Variants in SSH3 observed in about 807,000 individuals in gnomAD.
SSH3 encodes the protein slingshot protein phosphatase 3, also known as protein phosphatase Slingshot homolog 3.
In SSH3, 67 loss-of-function variants were observed where a neutral mutation model predicts 75.0. That is an observed-to-expected ratio of 0.89 (90% CI 0.73 to 1.10). The LOEUF is 1.10. Ranked by LOEUF, SSH3 falls within the 50% of genes least tolerant of loss-of-function variation. The probability of loss-of-function intolerance (pLI) is 0.00; values close to 1 mark genes in which losing one functional copy is unlikely to be tolerated. For missense variants in SSH3, 824 were observed against 872.7 expected, an observed-to-expected ratio of 0.94 and a Z score of 0.70; for synonymous variants, 318 against 349.2, an observed-to-expected ratio of 0.91 and a Z score of 1.00.
intron 3 of SSH3, among the ~76,000 whole-genome samples, chr11:67,306,060 C>T (rs529337411): frequency 1.4e-4 from 20 of 146,978 alleles, no homozygotes; most frequent in African/African-American, 4.8e-4. Flanking sequence ...GAGGCCGAGG[C>T]GGGCAGATCA....
Position 67,307,222 on chromosome 11 carries a change from G to A in SSH3, c.536+109G>A, listed in dbSNP as rs192499557. 185 of 1,558,020 alleles carry A rather than the reference G, an allele frequency of 1.2e-4. No homozygotes were observed. The highest frequency in any genetic ancestry group is 1.5e-4 in the Non-Finnish European group (168 of 1,152,358). Reference sequence around the variant, plus strand: ...CAGTAGAACTTTAGGCTGGGACTCTGGGGCCTGCTCCCAGCTCCACGTCAG... The same window carrying A: ...CAGTAGAACTTTAGGCTGGGACTCTAGGGCCTGCTCCCAGCTCCACGTCAG... On this transcript the variant is annotated intron_variant, in intron 5 of 13. Coordinates refer to ENST00000308127, the MANE Select transcript of SSH3 (RefSeq NM_017857.4). The surrounding 1 kb of genome is among the most constrained non-coding windows in gnomAD (Gnocchi z 4.2).
chr11:67,307,266 C>T lies in SSH3; in HGVS notation c.537-105C>T. 6.4e-7 allele frequency: 1 copy of T among 1,567,698 alleles called. No individual in the cohort carries two copies. Among genetic ancestry groups the T allele is most frequent in the Non-Finnish European group, 8.6e-7 (1 of 1,158,130 alleles). ...ACGTCAGATTCACCGTGATCCTGAG[C>T]AAGGCACCTGACTCCTGGGTCTCGG... On this transcript the variant is annotated intron_variant, in intron 5 of 13. Transcript: ENST00000308127. This position sits in a 1 kb window ranked among gnomAD's most constrained non-coding sequence, Gnocchi z 4.2.
At chr11:67,303,828 G>A (rs1179230952) in intron 1 of SSH3, 137 bp downstream of exon 1, 5 of 909,972 alleles carry the variant, frequency 5.5e-6, no homozygotes, top group South Asian at 2.0e-5. Flanking sequence ...GGCGCTGGGG[G>A]CCTCGAGGGT....
chr11:67,309,754 G>C lies in SSH3; in HGVS notation c.1209-14G>C. The C allele has an allele frequency of 6.2e-7, 1 of 1,611,792 alleles. No homozygotes were observed. The highest frequency in any genetic ancestry group is 8.5e-7 in the Non-Finnish European group (1 of 1,179,854). ...TGGTGAGGGGAGGGTGCTGAACCTG[G>C]CCTGCTTCCACAGAGCACAGGGCAC... On this transcript the variant is annotated splice_polypyrimidine_tract_variant and intron_variant, in intron 11 of 13. Coordinates refer to ENST00000308127, the MANE Select transcript of SSH3 (RefSeq NM_017857.4).
chr11:67,311,350 G>A (rs950393514), intron 13 of SSH3, among the ~76,000 whole-genome samples: 1 of 152,120 alleles, frequency 6.6e-6, no homozygotes, highest in Non-Finnish European at 1.5e-5. Context: ...GGGCCAGAAG[G>A]AAGCTACAAG....
chr11:67,303,787 T>G, intron 1 of SSH3, 96 bp downstream of exon 1: 3 of 1,293,956 alleles, frequency 2.3e-6, no homozygotes, highest in South Asian at 1.7e-5. Flanking sequence ...AACGGGGACA[T>G]GAGGAGGGGG....
At position 67,309,449 on chromosome 11, in the gene SSH3, C is replaced by T. The variant is rs368677697; in HGVS notation, c.1114C>T (p.Arg372Cys). ...AREIDNFYPE[R>C]FTYHNVRLWD... ...GGAGATTGACAACTTCTACCCTGAG[C>T]GCTTCACCTACCACAATGTGCGCCT... is the stretch of plus-strand genomic sequence containing the variant. Residue 372 changes from arginine to cysteine, a missense_variant, in exon 11 of 14, where the codon CGC becomes TGC. Physicochemically the swap from Arg to Cys is radical, Grantham distance 180. Transcript: ENST00000308127. The T allele has an allele frequency of 3.5e-5, 56 of 1,614,054 alleles. No homozygotes were observed. Among genetic ancestry groups the T allele is most frequent in the Middle Eastern group, 1.6e-4 (1 of 6,084 alleles).
intron 13 of SSH3, among the ~76,000 whole-genome samples, chr11:67,311,132 G>T (rs1283838817): frequency 4.6e-5 from 7 of 152,194 alleles, no homozygotes; most frequent in African/African-American, 7.2e-5. Context: ...GGATAGGGAG[G>T]CGTGGTGGGT....
intron 2 of SSH3, 76 bp downstream of exon 2, chr11:67,304,231 A>G: frequency 8.5e-7 from 1 of 1,182,990 alleles, no homozygotes; most frequent in Non-Finnish European, 1.2e-6. Flanking sequence ...CTCCAGCTGC[A>G]GGGACAGAAA....
In SSH3 at chr11:67,308,143, C is replaced by T; in HGVS notation, c.886-31C>T. 6.2e-7 allele frequency: 1 copy of T among 1,605,368 alleles called. No individual in the cohort carries two copies. Among genetic ancestry groups the T allele is most frequent in the Admixed American group, 1.7e-5 (1 of 59,488 alleles). Reference sequence around the variant, plus strand: ...GGCAGGTTGGGCACTAGGAGAGCCCCAGCCTCTCTTGCCCTGGGCTCTGCC... The same window carrying T: ...GGCAGGTTGGGCACTAGGAGAGCCCTAGCCTCTCTTGCCCTGGGCTCTGCC... On this transcript the variant is annotated intron_variant, in intron 8 of 13. Transcript: ENST00000308127. The surrounding 1 kb of genome is among the most constrained non-coding windows in gnomAD (Gnocchi z 4.9).
rs773542132 is a variant in SSH3 at position 67,311,847 on chromosome 11, A to G, written c.1940A>G (p.Gln647Arg). 1 of 1,612,678 alleles carries G rather than the reference A, an allele frequency of 6.2e-7. No homozygotes were observed. Residue 647 changes from glutamine to arginine, a missense_variant, in exon 14 of 14, where the codon CAG becomes CGG. Physicochemically the swap from Gln to Arg is conservative, Grantham distance 43 (BLOSUM62 1). Coordinates refer to ENST00000308127, the MANE Select transcript of SSH3 (RefSeq NM_017857.4). ...CCCAGGTTCCGGAAGGTGGTGAGAC[A>G]GGCCAGCGTGCATGACAGTGGAGAG... ...STPRFRKVVR[Q>R]ASVHDSGEEG...
chr11:67,309,965 C>T lies in SSH3; in HGVS notation c.1406C>T (p.Ala469Val). The T allele has an allele frequency of 6.2e-7, 1 of 1,610,382 alleles. No homozygotes were observed. Among genetic ancestry groups the T allele is most frequent in the Non-Finnish European group, 8.5e-7 (1 of 1,179,990 alleles). The change falls in exon 12 of 14, where the codon GCC (alanine) becomes GTC (valine). Residue 469 changes from alanine (A) to valine (V), a missense_variant. By Grantham distance (64) the Ala-to-Val change is moderately conservative (BLOSUM62 0). Transcript: ENST00000308127. ...QLQIYQGILTASRQSHVWEQK... is the reference protein window; with the variant it reads ...QLQIYQGILTVSRQSHVWEQK... ...CAGATCTACCAGGGCATCCTGACGG[C>T]CAGGTATGGGATGGGAGCGAGTGGC...
rs1861425894 is a variant in SSH3, at chr11:67,311,965, C to T, written c.*78C>T. 1 of 1,567,880 alleles carries T rather than the reference C, an allele frequency of 6.4e-7. No homozygotes were observed. The highest frequency in any genetic ancestry group is 2.0e-5 in the Admixed American group (1 of 49,626). On this transcript the variant is annotated 3_prime_UTR_variant, in exon 14 of 14. Coordinates refer to ENST00000308127, the MANE Select transcript of SSH3 (RefSeq NM_017857.4). ...TGGAGAAACACCCTCACGTCTGTTGCCGCACACATTCCTCTCAGCTCCGCC... is the reference window on the plus strand; with the variant it reads ...TGGAGAAACACCCTCACGTCTGTTGTCGCACACATTCCTCTCAGCTCCGCC...
rs772253201 is a variant in SSH3, at chr11:67,308,139, G to C, written c.886-35G>C. 13 of 1,603,270 alleles carry C rather than the reference G, an allele frequency of 8.1e-6. No individual in the cohort carries two copies. The highest frequency in any genetic ancestry group is 8.0e-5 in the African/African-American group (6 of 74,824). ...AGGTGGCAGGTTGGGCACTAGGAGA[G>C]CCCCAGCCTCTCTTGCCCTGGGCTC... is the stretch of plus-strand genomic sequence containing the variant. On this transcript the variant is annotated intron_variant, in intron 8 of 13. Coordinates refer to ENST00000308127, the MANE Select transcript of SSH3 (RefSeq NM_017857.4). This position sits in a 1 kb window ranked among gnomAD's most constrained non-coding sequence, Gnocchi z 4.9.
chr11:67,311,151 G>A (rs1198682336), intron 13 of SSH3, among the ~76,000 whole-genome samples: 5 of 152,198 alleles, frequency 3.3e-5, no homozygotes, highest in Non-Finnish European at 7.4e-5. Context: ...GTTGATGGGC[G>A]GGTGTGGGCG....
In SSH3 at chr11:67,309,959, T is replaced by C. The variant is rs781687217; in HGVS notation, c.1400T>C (p.Leu467Pro). The C allele has an allele frequency of 1.9e-6, 3 of 1,610,254 alleles. No individual in the cohort carries two copies. Among genetic ancestry groups the C allele is most frequent in the Non-Finnish European group, 2.5e-6 (3 of 1,179,988 alleles). The change falls in exon 12 of 14, where the codon CTG becomes CCG. Residue 467 changes from leucine to proline, a missense_variant. Physicochemically the swap from Leu to Pro is moderately conservative, Grantham distance 98. Coordinates refer to ENST00000308127, the MANE Select transcript of SSH3 (RefSeq NM_017857.4). The stretch of plus-strand genomic sequence containing the variant: ...CAGCTGCAGATCTACCAGGGCATCC[T>C]GACGGCCAGGTATGGGATGGGAGCG... ...LRQLQIYQGILTASRQSHVWE... is the reference protein window; with the variant it reads ...LRQLQIYQGIPTASRQSHVWE...
Position 67,303,689 on chromosome 11 carries a change from TG to T in SSH3, c.66+1del. 1 of 1,506,334 alleles carries T rather than the reference TG, an allele frequency of 6.6e-7. No individual in the cohort carries two copies. Among genetic ancestry groups the T allele is most frequent in the Non-Finnish European group, 8.8e-7 (1 of 1,134,118 alleles). 93.3% of individuals were successfully genotyped at this position (1,506,334 alleles called of 1,614,324 possible). On this transcript the variant is annotated frameshift_variant and splice_region_variant, in exon 1 of 14. Coordinates refer to ENST00000308127, the MANE Select transcript of SSH3 (RefSeq NM_017857.4). LOFTEE classifies it high-confidence loss of function. ...CGGCGCCTCCACGCCCGTGGGGCCCTGGGTGAGTGTGGTCCGGCCGTGGTGC... is the reference window on the plus strand; with the variant it reads ...CGGCGCCTCCACGCCCGTGGGGCCCTGGTGAGTGTGGTCCGGCCGTGGTGC... ...GSGASTPVGP[W>X]DQAVQRRSRL...
At chr11:67,311,150 C>T (rs1005112158) in intron 13 of SSH3, among the ~76,000 whole-genome samples, 74 of 152,176 alleles carry the variant, frequency 4.9e-4, no homozygotes, top group African/African-American at 1.7e-3. Flanking sequence ...GGTTGATGGG[C>T]GGGTGTGGGC....
chr11:67,307,148 G>A lies in SSH3; in HGVS notation c.536+35G>A, dbSNP rs764594032. The A allele has an allele frequency of 1.9e-6, 3 of 1,610,092 alleles. No homozygotes were observed. Among genetic ancestry groups the A allele is most frequent in the Non-Finnish European group, 1.7e-6 (2 of 1,179,324 alleles). On this transcript the variant is annotated intron_variant, in intron 5 of 13. Coordinates refer to ENST00000308127, the MANE Select transcript of SSH3 (RefSeq NM_017857.4). This position sits in a 1 kb window ranked among gnomAD's most constrained non-coding sequence, Gnocchi z 4.2. ...GGCAACTGGAGGTGGGGGCTGGAGG[G>A]TGGAATAACTGAGTGTGACGGATGT...
Sources: gnomAD v4.1 joint callset for allele counts (sites outside exome capture counted in the v4.1 genomes callset) on GRCh38, gnomAD v4.1.1 for gene constraint, Gnocchi (gnomAD v3.1) non-coding constraint, MANE v1.5 for transcripts, NCBI Gene and HGNC (gene_info 2026-07-23, HGNC 2026-07-21) for gene names.